M1AP: variants seen among roughly 807,000 people sequenced by gnomAD.
M1AP encodes the protein meiosis 1 associated protein.
A neutral mutation model predicts 51.2 loss-of-function variants in M1AP; 39 were observed. The observed-to-expected ratio is 0.76, with a 90% CI of 0.59 to 1.00. The LOEUF (loss-of-function observed/expected upper bound fraction) is 1.00. Among genes scored for constraint, M1AP ranks in the 50% least tolerant of loss-of-function variants. The pLI is 0.00. For missense variants in M1AP, 545 were observed against 641.2 expected (o/e 0.85, Z 1.62); for synonymous variants, 251 against 249.2 (o/e 1.01, Z -0.07).
At chr2:74,599,769 TACACACACACAGAC>T (rs1270898988) in intron 4 of M1AP, among the ~76,000 whole-genome samples, 2 of 151,750 alleles carry the variant, frequency 1.3e-5, no homozygotes, top group African/African-American at 2.4e-5. Flanking sequence ...CTATATATAA[TACACACACACAGAC>T]ACACACACAC....
chr2:74,643,437 T>C (rs867340430), intron 1 of M1AP, among the ~76,000 whole-genome samples: 1 of 152,074 alleles, frequency 6.6e-6, no homozygotes, highest in Non-Finnish European at 1.5e-5. Context: ...AGTAGTTATA[T>C]TGTTTAGAGG....
rs573654411 is a variant in M1AP at position 74,576,998 on chromosome 2, C to T, written c.770-380G>A. Reference sequence around the variant, plus strand: ...AGGAGGTAGCTAATGCCAAAATATGCAGAGGCCCTTTGGCAATCACAGAAG... The same window carrying T: ...AGGAGGTAGCTAATGCCAAAATATGTAGAGGCCCTTTGGCAATCACAGAAG... On this transcript the variant is annotated intron_variant, in intron 5 of 10. Transcript: ENST00000421985. 35 of 726,128 alleles carry T rather than the reference C, an allele frequency of 4.8e-5. No homozygotes were observed. The East Asian group carries it at 1.6e-3, about 34-fold the overall frequency. 45.0% of individuals were successfully genotyped at this position (726,128 alleles called of 1,614,324 possible). A position where few individuals can be genotyped will look rare whatever the true frequency, so the allele number is the denominator to read the frequency against.
chr2:74,559,612 T>C, intron 10 of M1AP, 86 bp downstream of exon 10: 2 of 711,958 alleles, frequency 2.8e-6, no homozygotes, highest in Non-Finnish European at 5.2e-6. Context: ...CCAACTGTCT[T>C]CAACCCCAGA....
intron 2 of M1AP, chr2:74,615,761 A>C (rs1197414925): frequency 3.3e-5 from 5 of 152,666 alleles, no homozygotes; most frequent in Non-Finnish European, 7.3e-5. Flanking sequence ...TGCTCTTAGG[A>C]GTCAACTAAT....
At chr2:74,584,842 T>A (rs1471144458) in intron 4 of M1AP, among the ~76,000 whole-genome samples, 4 of 149,110 alleles carry the variant, frequency 2.7e-5, no homozygotes, top group South Asian at 2.1e-4. Context: ...TATTATTATT[T>A]TTTTATTTTA....
intron 4 of M1AP, among the ~76,000 whole-genome samples, chr2:74,589,256 G>C (rs529731943): frequency 2.6e-5 from 4 of 152,304 alleles, no homozygotes; most frequent in Admixed American, 6.5e-5. Flanking sequence ...TTTGTGTTGG[G>C]GGATTAGCCA....
intron 4 of M1AP, among the ~76,000 whole-genome samples, chr2:74,603,625 A>C (rs1206060630): frequency 6.6e-6 from 1 of 152,194 alleles, no homozygotes; most frequent in Non-Finnish European, 1.5e-5. Flanking sequence ...TTAGAGGAAA[A>C]GACTGCTATG....
intron 3 of M1AP, among the ~76,000 whole-genome samples, chr2:74,610,609 C>T (rs564084159): frequency 1.3e-5 from 2 of 152,120 alleles, no homozygotes; most frequent in Non-Finnish European, 2.9e-5. Flanking sequence ...CCACCACTCT[C>T]AGCTAGTTTT....
chr2:74,622,357 G>A (rs1192472986), intron 2 of M1AP, among the ~76,000 whole-genome samples: 2 of 151,872 alleles, frequency 1.3e-5, no homozygotes, highest in Non-Finnish European at 2.9e-5. Context: ...TCCTGCCTCA[G>A]CCTCCTGAGT....
At chr2:74,569,168 G>C (rs550526268) in intron 7 of M1AP, among the ~76,000 whole-genome samples, 1 of 152,194 alleles carries the variant, frequency 6.6e-6, no homozygotes, top group African/African-American at 2.4e-5. Context: ...CAGAGAATTA[G>C]AATCTACAAA....
At chr2:74,644,453 G>A (rs911473981) in intron 1 of M1AP, among the ~76,000 whole-genome samples, 2 of 151,726 alleles carry the variant, frequency 1.3e-5, no homozygotes, top group East Asian at 1.9e-4. Context: ...CAGGAGAATC[G>A]CTGGAACCCA....
At chr2:74,601,382 A>C (rs974269761) in intron 4 of M1AP, among the ~76,000 whole-genome samples, 1 of 152,216 alleles carries the variant, frequency 6.6e-6, no homozygotes, top group South Asian at 2.1e-4. Context: ...AAAGTAAATA[A>C]TATCAATAAT....
chr2:74,622,543 CTTTTTTTT>C (rs534273779), intron 2 of M1AP, among the ~76,000 whole-genome samples: 1 of 117,314 alleles, frequency 8.5e-6, no homozygotes, highest in Non-Finnish European at 1.8e-5. Context: ...CCATTGCCTG[CTTTTTTTT>C]TTTTTTTTTT....
At chr2:74,644,195 G>T (rs918761339) in intron 1 of M1AP, among the ~76,000 whole-genome samples, 1 of 152,104 alleles carries the variant, frequency 6.6e-6, no homozygotes, top group Non-Finnish European at 1.5e-5. Context: ...AGATAATTAT[G>T]ATAATTTTCA....
At chr2:74,563,623 A>C (rs576622665) in intron 7 of M1AP, among the ~76,000 whole-genome samples, 64 of 151,788 alleles carry the variant, frequency 4.2e-4, no homozygotes, top group East Asian at 1.7e-3. Flanking sequence ...AAAAAAAAAA[A>C]AAAACATAAA....
At chr2:74,560,072 G>T (rs937992079) in intron 9 of M1AP, 79 bp downstream of exon 9, 1 of 1,499,462 alleles carries the variant, frequency 6.7e-7, no homozygotes. Context: ...TGGGATGGGG[G>T]AGGAGGGTTT....
At chr2:74,598,011 A>G (rs1420616302) in intron 4 of M1AP, among the ~76,000 whole-genome samples, 1 of 152,238 alleles carries the variant, frequency 6.6e-6, no homozygotes, top group African/African-American at 2.4e-5. Flanking sequence ...CTCCTGAGAT[A>G]TCTGCATGCT....
Position 74,612,187 on chromosome 2 carries a change from G to A in M1AP, c.426+2777C>T, listed in dbSNP as rs555891788. Among the ~76,000 whole-genome samples the A allele has an allele frequency of 4.7e-4, 72 of 151,800 alleles. No individual in the cohort carries two copies. The South Asian group carries it at 8.8e-3, about 18-fold the overall frequency. ...ATTACAGGTGTGAGCCACTGCGCCC[G>A]GCCACCAGTTCTTTTTTCATTGAAC... is the stretch of plus-strand genomic sequence containing the variant. On this transcript the variant is annotated intron_variant, in intron 3 of 10. Coordinates refer to ENST00000421985, the MANE Select transcript of M1AP (RefSeq NM_001321739.2).
intron 5 of M1AP, among the ~76,000 whole-genome samples, chr2:74,579,926 G>A (rs1245656993): frequency 1.3e-5 from 2 of 152,116 alleles, no homozygotes; most frequent in African/African-American, 4.8e-5. Flanking sequence ...TCTTGCCTCG[G>A]CCTCCTGAGT....
Sources: gnomAD v4.1 joint callset for allele counts (sites outside exome capture counted in the v4.1 genomes callset) on GRCh38, gnomAD v4.1.1 for gene constraint, MANE v1.5 for transcripts, NCBI Gene and HGNC (gene_info 2026-07-23, HGNC 2026-07-21) for gene names.